The following PRSS23 variants were observed in gnomAD, a reference collection of about 807,000 sequenced individuals.
PRSS23 encodes protease, serine 23.
A neutral mutation model predicts 34.7 loss-of-function variants in PRSS23; 25 were observed. The ratio of observed to expected loss-of-function variants is 0.72; its 90% CI spans 0.53 to 1.01. The LOEUF is 1.01. Among genes scored for constraint, PRSS23 ranks in the 50% least tolerant of loss-of-function variants. The pLI, the probability that PRSS23 is intolerant of heterozygous loss-of-function variation, is 0.00. For synonymous variants in PRSS23, 176 were observed against 186.6 expected, an observed-to-expected ratio of 0.94 and a Z score of 0.46; for missense variants, 445 against 475.6, an observed-to-expected ratio of 0.94 and a Z score of 0.60.
At chr11:86,834,506 T>TTTTCCTTTCCTTTCCTTTCC (rs1225362851) in intron 2 of PRSS23, among the ~76,000 whole-genome samples, 6 of 115,232 alleles carry the variant, frequency 5.2e-5, no homozygotes, top group East Asian at 2.6e-4. Context: ...TTCCCTTCTA[T>TTTTCCTTTCCTTTCCTTTCC]TTTCCTTTCC....
chr11:86,878,719 C>T (rs952184954), intron 2 of PRSS23, among the ~76,000 whole-genome samples: 8 of 151,528 alleles, frequency 5.3e-5, no homozygotes, highest in Non-Finnish European at 7.4e-5. Context: ...TCTGCCTGGC[C>T]GCCCATCGTC....
intron 2 of PRSS23, among the ~76,000 whole-genome samples, chr11:86,824,330 A>AAAAGTAAAATAAAATAAAAT (rs369196890): frequency 7.5e-6 from 1 of 133,150 alleles, no homozygotes; most frequent in Admixed American, 7.6e-5. Context: ...AAATAAAAAT[A>AAAAGTAAAATAAAATAAAAT]AAAATAAAAT....
chr11:86,892,891 C>CAT (rs1948850789), intron 2 of PRSS23, among the ~76,000 whole-genome samples: 1 of 152,194 alleles, frequency 6.6e-6, no homozygotes, highest in African/African-American at 2.4e-5. Flanking sequence ...CAAGAATTTA[C>CAT]ATATATATAT....
At chr11:86,922,246 T>C (rs910353632) in intron 2 of PRSS23, 5 of 152,194 alleles carry the variant, frequency 3.3e-5, no homozygotes, top group Non-Finnish European at 7.3e-5. Flanking sequence ...AAGTTAAACA[T>C]GCCTTGTTTC....
At chr11:86,860,517 C>A (rs904822336) in intron 2 of PRSS23, among the ~76,000 whole-genome samples, 3 of 151,840 alleles carry the variant, frequency 2.0e-5, no homozygotes, top group African/African-American at 4.8e-5. Flanking sequence ...GGGTTGTACA[C>A]CCCCTGTGAT....
intron 2 of PRSS23, among the ~76,000 whole-genome samples, chr11:86,869,008 T>A (rs975314829): frequency 6.6e-6 from 1 of 152,110 alleles, no homozygotes; most frequent in Non-Finnish European, 1.5e-5. Flanking sequence ...AGATAGAGTT[T>A]TGCCATGTTG....
At chr11:86,861,581 A>G (rs1163841107) in intron 2 of PRSS23, among the ~76,000 whole-genome samples, 1 of 151,360 alleles carries the variant, frequency 6.6e-6, no homozygotes, top group African/African-American at 2.4e-5. Flanking sequence ...GGGGGCGGAC[A>G]CCCTTCTGTG....
rs548727101 is a variant in PRSS23 at position 86,914,127 on chromosome 11, G to A, written c.207-37089G>A. On this transcript the variant is annotated intron_variant, in intron 2 of 2. Coordinates refer to the PRSS23 transcript ENST00000533902. ...TGTAGTCCCAGCTACTCAGGAGGCTGAAGCAGGAGAATTGCTTGAACCCAG... is the reference window on the plus strand; with the variant it reads ...TGTAGTCCCAGCTACTCAGGAGGCTAAAGCAGGAGAATTGCTTGAACCCAG... Among the ~76,000 whole-genome samples, 379 of 151,974 alleles carry A rather than the reference G, an allele frequency of 2.5e-3. 1 individual carries two copies. Among genetic ancestry groups the A allele is most frequent in the African/African-American group, 8.9e-3 (367 of 41,446 alleles).
intron 1 of PRSS23, chr11:86,821,099 A>C: frequency 4.4e-6 from 2 of 454,900 alleles, no homozygotes; most frequent in Non-Finnish European, 3.7e-6. Context: ...GTACATAATT[A>C]ATGTTAATTA....
At chr11:86,900,530 CAT>C (rs1410534174) in intron 2 of PRSS23, among the ~76,000 whole-genome samples, 3 of 152,202 alleles carry the variant, frequency 2.0e-5, no homozygotes, top group Non-Finnish European at 4.4e-5. Flanking sequence ...ATGAAATCCA[CAT>C]TCTTTACCAG....
At chr11:86,879,663 G>A (rs1184903853) in intron 2 of PRSS23, among the ~76,000 whole-genome samples, 2 of 139,486 alleles carry the variant, frequency 1.4e-5, no homozygotes, top group African/African-American at 5.3e-5. Flanking sequence ...CGCCCCGTCC[G>A]GGAAGGAGGT....
chr11:86,873,904 A>G (rs2508426), intron 2 of PRSS23, among the ~76,000 whole-genome samples: 86,430 of 151,990 alleles, frequency 0.57, 25,510 homozygotes, highest in African/African-American at 0.73. Flanking sequence ...CCTGTGATTT[A>G]GTTACTCAGA....
chr11:86,890,615 C>A (rs1319264958), intron 2 of PRSS23, among the ~76,000 whole-genome samples: 1 of 152,162 alleles, frequency 6.6e-6, no homozygotes, highest in Non-Finnish European at 1.5e-5. Context: ...GAGCCCCTGG[C>A]CTGAACCATG....
At chr11:86,840,939 T>C (rs979411882) in intron 2 of PRSS23, among the ~76,000 whole-genome samples, 3 of 142,888 alleles carry the variant, frequency 2.1e-5, no homozygotes, top group Non-Finnish European at 3.1e-5. Context: ...CATACCAGAA[T>C]CTCTGGGACA....
chr11:86,849,672 G>A (rs533523771), intron 2 of PRSS23, among the ~76,000 whole-genome samples: 1 of 152,292 alleles, frequency 6.6e-6, no homozygotes, highest in African/African-American at 2.4e-5. Flanking sequence ...AAACCAAATA[G>A]TCAACGGAGA....
rs533351213 is a variant in PRSS23 at position 86,928,867 on chromosome 11, T to C, written c.207-22349T>C. ...GATGCTTAGCTTCTAATGTGAGAAATGCAAATTAAAAGTAACTACACTGAA... is the reference window on the plus strand; with the variant it reads ...GATGCTTAGCTTCTAATGTGAGAAACGCAAATTAAAAGTAACTACACTGAA... On this transcript the variant is annotated intron_variant, in intron 2 of 2. Coordinates refer to the PRSS23 transcript ENST00000533902. Among the ~76,000 whole-genome samples, 14 of 151,436 alleles carry C rather than the reference T, an allele frequency of 9.2e-5. 1 individual carries two copies. The East Asian group carries it at 2.7e-3, about 29-fold the overall frequency.
chr11:86,918,229 T>C (rs1949026550), intron 2 of PRSS23, among the ~76,000 whole-genome samples: 1 of 152,164 alleles, frequency 6.6e-6, no homozygotes, highest in Non-Finnish European at 1.5e-5. Context: ...AATGCAGAGA[T>C]GAAGCTTGGG....
intron 2 of PRSS23, among the ~76,000 whole-genome samples, chr11:86,914,679 C>A (rs1373826267): frequency 6.6e-6 from 1 of 152,022 alleles, no homozygotes; most frequent in Non-Finnish European, 1.5e-5. Flanking sequence ...GTGGCAGAAC[C>A]TTTTTTCCCC....
At chr11:86,840,440 A>G (rs1417020099) in intron 2 of PRSS23, among the ~76,000 whole-genome samples, 1 of 152,252 alleles carries the variant, frequency 6.6e-6, no homozygotes, top group African/African-American at 2.4e-5. Flanking sequence ...ATATGCACCC[A>G]ATACAGGAGC....
Sources: allele counts gnomAD v4.1 joint callset (sites outside exome capture counted in the v4.1 genomes callset), GRCh38; gene constraint gnomAD v4.1.1; transcripts MANE v1.5; gene names NCBI Gene and HGNC (gene_info 2026-07-23, HGNC 2026-07-21).